Variants in PLCL1 observed in about 807,000 individuals in gnomAD.
PLCL1 encodes inactive phospholipase C-like protein 1.
Under a neutral mutation model 84.4 loss-of-function variants are expected in PLCL1, and 41 were observed. That is an observed-to-expected ratio of 0.49 (90% CI 0.38 to 0.63). The LOEUF (loss-of-function observed/expected upper bound fraction) is 0.63. PLCL1 is among the 30% of genes least tolerant of loss of function. PLCL1 has a pLI of 0.00. For missense variants in PLCL1, 1,206 were observed against 1,367.8 expected (o/e 0.88, Z 1.87); for synonymous variants, 490 against 488.3 (o/e 1.00, Z -0.05).
chr2:198,145,175 CT>C lies in PLCL1; in HGVS notation c.3106-1595del, dbSNP rs572692111. The stretch of plus-strand genomic sequence containing the variant: ...ACTTTTCAAAGTGGATGTGACTTCA[CT>C]TTTTTTTTTAAATTTATGTTCTGGG... On this transcript the variant is annotated intron_variant, in intron 5 of 5. Coordinates refer to ENST00000428675, the MANE Select transcript of PLCL1 (RefSeq NM_006226.4). Among the ~76,000 whole-genome samples the C allele has an allele frequency of 2.8e-3, 420 of 149,940 alleles. 3 individuals are homozygous for C. Among genetic ancestry groups the C allele is most frequent in the Non-Finnish European group, 3.9e-3 (263 of 67,250 alleles).
intron 1 of PLCL1, among the ~76,000 whole-genome samples, chr2:198,069,572 T>A (rs1692414197): frequency 1.3e-5 from 2 of 152,216 alleles, no homozygotes; most frequent in Admixed American, 1.3e-4. Context: ...GAGCATTTTT[T>A]ATTTTAGTTA....
chr2:197,958,392 C>A (rs1332475943), intron 1 of PLCL1, among the ~76,000 whole-genome samples: 1 of 151,800 alleles, frequency 6.6e-6, no homozygotes, highest in Non-Finnish European at 1.5e-5. Context: ...AAAAACTCAT[C>A]ATATTTTAAG....
intron 1 of PLCL1, among the ~76,000 whole-genome samples, chr2:197,871,094 G>T (rs1687644177): frequency 6.6e-6 from 1 of 152,064 alleles, no homozygotes. Context: ...ATACAGAGAG[G>T]CTTGATACTT....
chr2:198,002,947 G>T (rs569698931), intron 1 of PLCL1, among the ~76,000 whole-genome samples: 1 of 152,062 alleles, frequency 6.6e-6, no homozygotes, highest in African/African-American at 2.4e-5. Context: ...GCAATCATTT[G>T]TCAGGATTTC....
intron 1 of PLCL1, among the ~76,000 whole-genome samples, chr2:197,820,052 CA>C (rs1186772695): frequency 3.9e-5 from 6 of 152,000 alleles, no homozygotes; most frequent in African/African-American, 1.4e-4. Context: ...AGCAGAAAAA[CA>C]AAAGTTAAGG....
At chr2:197,983,214 T>C (rs1396965166) in intron 1 of PLCL1, among the ~76,000 whole-genome samples, 41 of 15,844 alleles carry the variant, frequency 2.6e-3, no homozygotes, top group Middle Eastern at 0.056. Flanking sequence ...TTTTTTTTTT[T>C]TTTTTTTTTT....
chr2:197,809,414 T>C (rs1690539691), intron 1 of PLCL1, among the ~76,000 whole-genome samples: 1 of 152,200 alleles, frequency 6.6e-6, no homozygotes, highest in African/African-American at 2.4e-5. Flanking sequence ...ACACGTGAGA[T>C]AGTGACAGAA....
At chr2:198,011,924 C>A (rs1690877228) in intron 1 of PLCL1, among the ~76,000 whole-genome samples, 1 of 152,098 alleles carries the variant, frequency 6.6e-6, no homozygotes, top group South Asian at 2.1e-4. Flanking sequence ...ACTCTGGTCA[C>A]TTCTCCTCTC....
At chr2:198,142,489 A>G (rs527542305) in intron 5 of PLCL1, among the ~76,000 whole-genome samples, 22 of 152,320 alleles carry the variant, frequency 1.4e-4, no homozygotes, top group African/African-American at 4.6e-4. Context: ...TTTAATTATA[A>G]TTTAATGCAG....
chr2:198,111,861 C>A (rs770600747), intron 5 of PLCL1, among the ~76,000 whole-genome samples: 43 of 151,796 alleles, frequency 2.8e-4, no homozygotes, highest in Non-Finnish European at 5.3e-4. Context: ...ATCAAGTATC[C>A]TACCAAGTGT....
intron 1 of PLCL1, among the ~76,000 whole-genome samples, chr2:197,903,075 C>T (rs1319357583): frequency 3.3e-5 from 5 of 152,236 alleles, no homozygotes; most frequent in East Asian, 1.9e-4. Context: ...CAGGTGTTAG[C>T]GTGTTTTGAT....
intron 5 of PLCL1, among the ~76,000 whole-genome samples, chr2:198,146,299 T>A (rs931879670): frequency 6.6e-6 from 1 of 152,184 alleles, no homozygotes; most frequent in African/African-American, 2.4e-5. Flanking sequence ...TCACCAAGCA[T>A]AAGGGTATGT....
At chr2:198,028,573 T>C (rs891349600) in intron 1 of PLCL1, among the ~76,000 whole-genome samples, 4 of 152,192 alleles carry the variant, frequency 2.6e-5, no homozygotes, top group Non-Finnish European at 5.9e-5. Flanking sequence ...CTGACATTTT[T>C]CCCCTTGACT....
At chr2:197,890,140 T>C (rs1267926269) in intron 1 of PLCL1, among the ~76,000 whole-genome samples, 1 of 152,228 alleles carries the variant, frequency 6.6e-6, no homozygotes, top group African/African-American at 2.4e-5. Flanking sequence ...GTTTGGAAGC[T>C]GATTTTCACA....
At chr2:198,082,187 A>G (rs1473995150) in intron 1 of PLCL1, among the ~76,000 whole-genome samples, 1 of 152,200 alleles carries the variant, frequency 6.6e-6, no homozygotes, top group Non-Finnish European at 1.5e-5. Flanking sequence ...CAGTCTCACA[A>G]TGACACTATG....
At chr2:198,126,291 G>T (rs1299573883) in intron 5 of PLCL1, among the ~76,000 whole-genome samples, 1 of 152,108 alleles carries the variant, frequency 6.6e-6, no homozygotes, top group African/African-American at 2.4e-5. Context: ...AGAAGACTCA[G>T]CCTTGAGATC....
chr2:197,920,978 G>A (rs1457884918), intron 1 of PLCL1, among the ~76,000 whole-genome samples: 1 of 152,130 alleles, frequency 6.6e-6, no homozygotes, highest in Non-Finnish European at 1.5e-5. Context: ...ATTGTTAGGC[G>A]ATTTTGTCAT....
At chr2:197,993,655 G>A (rs868834271) in intron 1 of PLCL1, among the ~76,000 whole-genome samples, 3 of 152,146 alleles carry the variant, frequency 2.0e-5, no homozygotes, top group South Asian at 4.1e-4. Context: ...CTGCAGGAGA[G>A]GACTGCCCAG....
At chr2:197,821,591 G>A (rs558609471) in intron 1 of PLCL1, among the ~76,000 whole-genome samples, 49 of 152,094 alleles carry the variant, frequency 3.2e-4, no homozygotes, top group Non-Finnish European at 4.7e-4. Context: ...CACCACATTT[G>A]CCTTCTATTT....
Sources: gnomAD v4.1 joint callset for allele counts (sites outside exome capture counted in the v4.1 genomes callset) on GRCh38, gnomAD v4.1.1 for gene constraint, MANE v1.5 for transcripts, NCBI Gene and HGNC (gene_info 2026-07-23, HGNC 2026-07-21) for gene names.